CAMK2G: variants seen among roughly 807,000 people sequenced by gnomAD.
The protein encoded by CAMK2G is calcium/calmodulin dependent protein kinase II gamma.
Under a neutral mutation model 88.7 loss-of-function variants are expected in CAMK2G, and 23 were observed. The observed-to-expected ratio is 0.26, with a 90% CI of 0.19 to 0.37. The LOEUF is 0.37. Ranked by LOEUF, CAMK2G falls within the 10% of genes least tolerant of loss-of-function variation. CAMK2G has a pLI of 1.00. For synonymous variants in CAMK2G, 263 were observed against 294.8 expected (o/e 0.89, Z 1.11); for missense variants, 476 against 780.8 (o/e 0.61, Z 4.65).
chr10:73,821,335 T>C (rs565893060), intron 18 of CAMK2G, among the ~76,000 whole-genome samples: 3 of 152,326 alleles, frequency 2.0e-5, no homozygotes, highest in South Asian at 4.1e-4. Flanking sequence ...TTATGACTCA[T>C]AGCACTTACA....
intron 15 of CAMK2G, among the ~76,000 whole-genome samples, chr10:73,825,991 G>T (rs1156736009): frequency 1.3e-5 from 2 of 152,198 alleles, no homozygotes; most frequent in East Asian, 1.9e-4. Flanking sequence ...TCAGCTAGAA[G>T]GGCAGTGTTC....
At chr10:73,837,021 A>G (rs1261464013) in intron 14 of CAMK2G, 2 of 181,612 alleles carry the variant, frequency 1.1e-5, no homozygotes, top group Admixed American at 1.1e-4. Context: ...AGAGAAGGAA[A>G]AAGACCAAAA....
At chr10:73,816,315 T>G (rs2085475633) in intron 21 of CAMK2G, 1 of 991,808 alleles carries the variant, frequency 1.0e-6, no homozygotes, top group Non-Finnish European at 1.2e-6. Flanking sequence ...AACAGTGCCC[T>G]GGTTTGCACA....
In CAMK2G at chr10:73,820,464, T is replaced by TTATATA. The variant is rs71483976; in HGVS notation, c.1250-825_1250-820dup. Among the ~76,000 whole-genome samples, 682 of 73,866 alleles carry TTATATA rather than the reference T, an allele frequency of 9.2e-3. 9 individuals carry two copies. Among genetic ancestry groups the TTATATA allele is most frequent in the East Asian group, 0.03 (68 of 2,248 alleles). 48.5% of individuals were successfully genotyped at this position (73,866 alleles called of 152,430 possible). A position where few individuals can be genotyped will look rare whatever the true frequency, so the allele number is the denominator to read the frequency against. On this transcript the variant is annotated intron_variant, in intron 18 of 22. Transcript: ENST00000423381. ...TCCCAGGACTATCTGGGTTTTATAT[T>TTATATA]TATATATATATATATATATATATAT... is the stretch of plus-strand genomic sequence containing the variant.
chr10:73,847,122 G>A (rs1189392601), intron 10 of CAMK2G, 103 bp downstream of exon 10: 4 of 1,228,038 alleles, frequency 3.3e-6, no homozygotes, highest in Admixed American at 1.9e-5. Flanking sequence ...TTATTGCTTG[G>A]GGCCCAGAAT....
At chr10:73,860,931 T>C (rs936242637) in intron 2 of CAMK2G, 42 bp from the exon 3 acceptor site, 12 of 1,428,010 alleles carry the variant, frequency 8.4e-6, no homozygotes, top group Non-Finnish European at 7.9e-6. Flanking sequence ...CAACCATCCA[T>C]TCTCCTTGTG....
intron 2 of CAMK2G, among the ~76,000 whole-genome samples, chr10:73,863,867 C>T (rs1037301653): frequency 5.9e-5 from 9 of 152,264 alleles, no homozygotes; most frequent in Middle Eastern, 3.4e-3. Flanking sequence ...CCTGTGTTCC[C>T]GGCAAGGCCC....
intron 18 of CAMK2G, among the ~76,000 whole-genome samples, chr10:73,821,215 C>T (rs563591758): frequency 1.6e-4 from 25 of 152,230 alleles, no homozygotes; most frequent in African/African-American, 5.8e-4. Flanking sequence ...TGCCCTGGCC[C>T]TCCCAAAGTT....
intron 4 of CAMK2G, chr10:73,852,802 A>T (rs897769944): frequency 1.5e-5 from 4 of 262,572 alleles, no homozygotes; most frequent in African/African-American, 6.8e-5. Flanking sequence ...AACGTGGAGG[A>T]GAGACCCAAT....
At chr10:73,872,890 G>C (rs1027129165) in intron 2 of CAMK2G, 99 bp downstream of exon 2, 3 of 818,220 alleles carry the variant, frequency 3.7e-6, no homozygotes, top group African/African-American at 1.7e-5. Context: ...TCCTCTCCAA[G>C]TGCTAAAACG....
At chr10:73,821,932 G>C (rs2088980519) in intron 17 of CAMK2G, among the ~76,000 whole-genome samples, 1 of 152,132 alleles carries the variant, frequency 6.6e-6, no homozygotes, top group South Asian at 2.1e-4. Flanking sequence ...CATCTACCCA[G>C]TTACTCAGGC....
intron 21 of CAMK2G, 107 bp downstream of exon 21, chr10:73,816,916 G>C: frequency 6.2e-7 from 1 of 1,611,452 alleles, no homozygotes; most frequent in Non-Finnish European, 8.5e-7. Flanking sequence ...CAGCACGAAG[G>C]TCAAATAAGG....
At chr10:73,823,291 C>G (rs1426467495) in intron 17 of CAMK2G, among the ~76,000 whole-genome samples, 1 of 152,198 alleles carries the variant, frequency 6.6e-6, no homozygotes, top group Admixed American at 6.5e-5. Context: ...TCTCAGCTCA[C>G]TGCAACCTCC....
chr10:73,837,453 G>A lies in CAMK2G; in HGVS notation c.1053+15C>T, dbSNP rs769055654. On this transcript the variant is annotated intron_variant, in intron 14 of 22. Coordinates refer to ENST00000423381, the MANE Select transcript of CAMK2G (RefSeq NM_001367534.1). Reference sequence around the variant, plus strand: ...GAGAAAGAGGCCAGTCTGTTCAGAGGCTGGAGACACTTACCTTGACACCGC... The same window carrying A: ...GAGAAAGAGGCCAGTCTGTTCAGAGACTGGAGACACTTACCTTGACACCGC... 19 of 1,605,608 alleles carry A rather than the reference G, an allele frequency of 1.2e-5. No homozygotes were observed. Among genetic ancestry groups the A allele is most frequent in the Admixed American group, 1.7e-5 (1 of 59,988 alleles).
chr10:73,855,077 T>C (rs1191030530), intron 3 of CAMK2G, among the ~76,000 whole-genome samples: 1 of 152,086 alleles, frequency 6.6e-6, no homozygotes, highest in Non-Finnish European at 1.5e-5. Flanking sequence ...AGGGGGCTTT[T>C]AGGACAGGAG....
Position 73,848,172 on chromosome 10 carries a change from A to C in CAMK2G, c.602-90T>G, listed in dbSNP as rs974160669. ...CCATGCAGGGCTCAGAGCCACCTAG[A>C]AAGGCAGGGGCCATACCAGAGTCAG... is the stretch of plus-strand genomic sequence containing the variant. On this transcript the variant is annotated intron_variant, in intron 8 of 22. Coordinates refer to ENST00000423381, the MANE Select transcript of CAMK2G (RefSeq NM_001367534.1). The surrounding 1 kb of genome is among the most constrained non-coding windows in gnomAD (Gnocchi z 4.5). 1 of 801,132 alleles carries C rather than the reference A, an allele frequency of 1.2e-6. No homozygotes were observed. The highest frequency in any genetic ancestry group is 1.8e-5 in the Admixed American group (1 of 54,358). 49.6% of individuals were successfully genotyped at this position (801,132 alleles called of 1,614,324 possible).
intron 21 of CAMK2G, chr10:73,815,939 T>A (rs1404985582): frequency 1.0e-6 from 1 of 985,360 alleles, no homozygotes. Context: ...AGGGGCTACA[T>A]GACACCTTCC....
Position 73,855,264 on chromosome 10 carries a change from G to A in CAMK2G, c.221-2018C>T, listed in dbSNP as rs572220162. Among the ~76,000 whole-genome samples the A allele has an allele frequency of 6.6e-5, 10 of 152,176 alleles. No homozygotes were observed. The East Asian group carries it at 1.5e-3, about 23-fold the overall frequency. ...GTCTTGCTGCAGCTGCTGCTCCCTC[G>A]CTTCCAAAAGGACTTTCCATTTAAT... On this transcript the variant is annotated intron_variant, in intron 3 of 22. Transcript: ENST00000423381.
chr10:73,867,616 C>T (rs1384219207), intron 2 of CAMK2G, among the ~76,000 whole-genome samples: 1 of 152,114 alleles, frequency 6.6e-6, no homozygotes, highest in East Asian at 1.9e-4. Context: ...GCCCAGGAAG[C>T]GGAGATGGTG....
Sources: gnomAD v4.1 joint callset for allele counts (sites outside exome capture counted in the v4.1 genomes callset) on GRCh38, gnomAD v4.1.1 for gene constraint, Gnocchi (gnomAD v3.1) non-coding constraint, MANE v1.5 for transcripts, NCBI Gene and HGNC (gene_info 2026-07-23, HGNC 2026-07-21) for gene names.